Variants in ZNF200 observed in about 807,000 individuals in gnomAD.
ZNF200 encodes zinc finger protein 200.
Under a neutral mutation model 33.6 loss-of-function variants are expected in ZNF200, and 35 were observed. That is an observed-to-expected ratio of 1.04 (90% CI 0.80 to 1.38). The LOEUF is 1.38. Ranked by LOEUF, ZNF200 falls within the 40% of genes most tolerant of loss-of-function variation. The pLI is 0.00. For missense variants in ZNF200, 592 were observed against 470.6 expected, an observed-to-expected ratio of 1.26 and a Z score of -2.39; for synonymous variants, 209 against 167.7, an observed-to-expected ratio of 1.25 and a Z score of -1.90.
At chr16:3,229,588 G>A (rs931448782) in intron 4 of ZNF200, among the ~76,000 whole-genome samples, 2 of 152,088 alleles carry the variant, frequency 1.3e-5, no homozygotes, top group African/African-American at 4.8e-5. Flanking sequence ...TAATTCAAAT[G>A]CTAGGAAAAT....
chr16:3,228,059 G>A (rs898379989), intron 4 of ZNF200, among the ~76,000 whole-genome samples: 5 of 148,624 alleles, frequency 3.4e-5, no homozygotes, highest in Non-Finnish European at 7.4e-5. Context: ...TTTTGCTTTC[G>A]TTGAAATCTA....
At position 3,232,292 on chromosome 16, in the gene ZNF200, A is replaced by G; in HGVS notation, c.466+129T>C. Reference sequence around the variant, plus strand: ...AGGCTCTGCTACATTGAATAAAACAAAAGTAAAATAAAATGTGTGTGTGCA... The same window carrying G: ...AGGCTCTGCTACATTGAATAAAACAGAAGTAAAATAAAATGTGTGTGTGCA... On this transcript the variant is annotated intron_variant, in intron 4 of 4. Coordinates refer to ENST00000414144, the MANE Select transcript of ZNF200 (RefSeq NM_198088.3). 7 of 1,151,474 alleles carry G rather than the reference A, an allele frequency of 6.1e-6. No individual in the cohort carries two copies. In the South Asian group the frequency reaches 7.9e-5, roughly 13 times the overall value. 71.3% of individuals were successfully genotyped at this position (1,151,474 alleles called of 1,614,324 possible).
chr16:3,233,349 C>G (rs189107497), intron 2 of ZNF200, among the ~76,000 whole-genome samples, 157 bp downstream of exon 2: 3 of 152,206 alleles, frequency 2.0e-5, no homozygotes, highest in Non-Finnish European at 4.4e-5. Flanking sequence ...CTTACTCACA[C>G]CCAGCACTTG....
chr16:3,232,782 C>T, intron 3 of ZNF200, 51 bp downstream of exon 3: 1 of 1,590,378 alleles, frequency 6.3e-7, no homozygotes, highest in South Asian at 1.1e-5. Context: ...ACAGGTTGGC[C>T]AAGCACGGAA....
intron 4 of ZNF200, 40 bp from the exon 5 acceptor site, chr16:3,224,653 C>G (rs774375276): frequency 6.5e-7 from 1 of 1,536,808 alleles, no homozygotes; most frequent in South Asian, 1.2e-5. Context: ...TGAGAGATAT[C>G]ACAACACCAG....
At chr16:3,234,050 C>G (rs1374369616) in intron 1 of ZNF200, 3 of 260,884 alleles carry the variant, frequency 1.1e-5, no homozygotes, top group African/African-American at 2.3e-5. Context: ...GTGCAAACCT[C>G]AAGTCCAAAG....
chr16:3,231,339 C>T (rs1379956500), intron 4 of ZNF200, among the ~76,000 whole-genome samples: 1 of 152,210 alleles, frequency 6.6e-6, no homozygotes, highest in African/African-American at 2.4e-5. Flanking sequence ...ATTAACTACA[C>T]TCATTACATA....
rs938353538 is a variant in ZNF200 at position 3,235,123 on chromosome 16, G to T, written c.-218C>A. ...CCGAGTGCCCTCACAGGTCGCCGGC[G>T]ACTATTCGTTCGCGCCGCCGCCAGT... On this transcript the variant is annotated 5_prime_UTR_variant, in exon 1 of 5. Coordinates refer to ENST00000414144, the MANE Select transcript of ZNF200 (RefSeq NM_198088.3). 29 of 152,220 alleles carry T rather than the reference G, an allele frequency of 1.9e-4. No individual in the cohort carries two copies. The highest frequency in any genetic ancestry group is 6.5e-4 in the African/African-American group (27 of 41,458). The allele number at this position is 152,220 out of a possible 1,614,324, so 9.4% of individuals were successfully genotyped here.
At chr16:3,232,695 C>CAGG in intron 3 of ZNF200, 138 bp downstream of exon 3, 1 of 1,428,250 alleles carries the variant, frequency 7.0e-7, no homozygotes, top group African/African-American at 1.4e-5. Context: ...ACAGGACAGC[C>CAGG]AGGCTGAGAA....
intron 4 of ZNF200, chr16:3,227,586 C>CGG (rs369857403): frequency 2.6e-5 from 4 of 152,086 alleles, no homozygotes; most frequent in African/African-American, 9.7e-5. Context: ...GAGTCATGGG[C>CGG]GGGGGGGCCT....
At chr16:3,234,532 A>C (rs933831700) in intron 1 of ZNF200, 3 of 152,388 alleles carry the variant, frequency 2.0e-5, no homozygotes, top group African/African-American at 7.2e-5. Context: ...AGGTTAAATC[A>C]GGCTTGGAGA....
rs375713290 is a variant in ZNF200 at position 3,232,899 on chromosome 16, C to G, written c.273G>C (p.Lys91Asn). 16 of 1,613,814 alleles carry G rather than the reference C, an allele frequency of 9.9e-6. No homozygotes were observed. Among genetic ancestry groups the G allele is most frequent in the Non-Finnish European group, 2.5e-6 (3 of 1,179,826 alleles). The part of the protein sequence containing the change: ...QNRVHPRPLV[K>N]LLPKGVQKEQ... ...CCTTTTGGACTCCTTTGGGCAGAAG[C>G]TTCACCAAGGGACGAGGATGCACTG... Residue 91 changes from lysine (K) to asparagine (N), a missense_variant, in exon 3 of 5, where the codon AAG (lysine) becomes AAC (asparagine). Transcript: ENST00000414144.
In ZNF200 at chr16:3,224,509, A is replaced by C; in HGVS notation, c.571T>G (p.Leu191Val). 6.2e-7 allele frequency: 1 copy of C among 1,614,204 alleles called. No homozygotes were observed. The highest frequency in any genetic ancestry group is 8.5e-7 in the Non-Finnish European group (1 of 1,180,036). ...TTATCGGGAGGCTGCTGAGAGACCA[A>C]GGAAGAATCCATTTCATCATCATCT... ...SSDDDEMDSS[L>V]VSQQPPDNQE... is the part of the protein sequence containing the mutation. Residue 191 changes from leucine to valine, a missense_variant, in exon 5 of 5, where the codon TTG (leucine) becomes GTG (valine). Physicochemically the swap from Leu to Val is conservative, Grantham distance 32. Transcript: ENST00000414144.
chr16:3,231,143 T>C (rs1003064477), intron 4 of ZNF200, among the ~76,000 whole-genome samples: 1 of 152,108 alleles, frequency 6.6e-6, no homozygotes, highest in Non-Finnish European at 1.5e-5. Context: ...AGGGTGAGGA[T>C]TGGGTCTTAG....
chr16:3,234,454 G>A (rs543508045), intron 1 of ZNF200, among the ~76,000 whole-genome samples: 2 of 152,194 alleles, frequency 1.3e-5, no homozygotes, highest in South Asian at 2.1e-4. Flanking sequence ...TCAGGGAAGA[G>A]AAAGAAAATA....
chr16:3,222,683 A>C lies in ZNF200; in HGVS notation c.*1209T>G, dbSNP rs958056713. 3.3e-5 allele frequency: 5 copies of C among 152,214 alleles called. No individual in the cohort carries two copies. Among genetic ancestry groups the C allele is most frequent in the Admixed American group, 3.3e-4 (5 of 15,274 alleles). The allele number at this position is 152,214 out of a possible 1,614,324, so 9.4% of individuals were successfully genotyped here. A position where few individuals can be genotyped will look rare whatever the true frequency, so the allele number is the denominator to read the frequency against. ...CAATGTATAACTTTTGGAAACCTAA[A>C]GCAAGCAAAACTGAAGAATCCCTAA... On this transcript the variant is annotated 3_prime_UTR_variant, in exon 5 of 5. Transcript: ENST00000414144.
chr16:3,230,018 G>C (rs1175119033), intron 4 of ZNF200, among the ~76,000 whole-genome samples: 1 of 152,236 alleles, frequency 6.6e-6, no homozygotes, highest in Non-Finnish European at 1.5e-5. Context: ...GATCGCTCAT[G>C]AATGGCTTGA....
rs773833164 is a variant in ZNF200, at chr16:3,224,032, C to T, written c.1048G>A (p.Glu350Lys). The change falls in exon 5 of 5, where the codon GAG becomes AAG. Residue 350 changes from glutamate (E) to lysine (K), a missense_variant. Physicochemically the swap from Glu to Lys is moderately conservative, Grantham distance 56. Transcript: ENST00000414144. ...TGACTCTGCAGATGAAGCACAAACT[C>T]CTCATTCTTTGGGAAGGTTTTCCCA... is the stretch of plus-strand genomic sequence containing the variant. Reference protein sequence around the residue: ...ECGKTFPKNEEFVLHLQSHEA... With the variant: ...ECGKTFPKNEKFVLHLQSHEA... 2 of 1,614,190 alleles carry T rather than the reference C, an allele frequency of 1.2e-6. No individual in the cohort carries two copies. Among genetic ancestry groups the T allele is most frequent in the South Asian group, 1.1e-5 (1 of 91,080 alleles).
rs1958418004 is a variant in ZNF200 at position 3,224,494 on chromosome 16, G to A, written c.586C>T (p.Pro196Ser). Residue 196 changes from proline (P) to serine (S), a missense_variant, in exon 5 of 5, where the codon CCT becomes TCT. Physicochemically the swap from Pro to Ser is moderately conservative, Grantham distance 74. Transcript: ENST00000414144. ...CGTTCCTTTTCCTGGTTATCGGGAG[G>A]CTGCTGAGAGACCAAGGAAGAATCC... ...EMDSSLVSQQPPDNQEKERLN... is the reference protein window; with the variant it reads ...EMDSSLVSQQSPDNQEKERLN... The A allele has an allele frequency of 1.2e-6, 2 of 1,614,046 alleles. No individual in the cohort carries two copies. Among genetic ancestry groups the A allele is most frequent in the East Asian group, 4.5e-5 (2 of 44,900 alleles).
Sources: allele counts gnomAD v4.1 joint callset (sites outside exome capture counted in the v4.1 genomes callset), GRCh38; gene constraint gnomAD v4.1.1; transcripts MANE v1.5; gene names NCBI Gene and HGNC (gene_info 2026-07-23, HGNC 2026-07-21).